Variants in DPRX observed in about 807,000 individuals in gnomAD.
DPRX encodes divergent paired-related homeobox.
In DPRX, 11 loss-of-function variants were observed where a neutral mutation model predicts 8.4. That is an observed-to-expected ratio of 1.31 (90% CI 0.82 to 2.17). The LOEUF is 2.17. DPRX is among the 30% of genes most tolerant of loss of function. DPRX has a pLI of 0.00. For missense variants in DPRX, 211 were observed against 236.7 expected (o/e 0.89, Z 0.71); for synonymous variants, 72 against 87.0 (o/e 0.83, Z 0.96).
the DPRX span, chr19:53,603,388 A>G: frequency 2.2e-6 from 1 of 456,272 alleles, no homozygotes. Flanking sequence ...ATGCGGCCCC[A>G]TCTCGGGGTG....
At chr19:53,634,804 T>C in intron 2 of DPRX, 119 bp downstream of exon 2, 1 of 1,359,870 alleles carries the variant, frequency 7.4e-7, no homozygotes, top group Non-Finnish European at 9.8e-7. Flanking sequence ...AAACCCACAC[T>C]CTCCTACTCA....
the DPRX span, among the ~76,000 whole-genome samples, chr19:53,601,736 C>T: frequency 6.6e-6 from 1 of 152,098 alleles, no homozygotes; most frequent in African/African-American, 2.4e-5. Flanking sequence ...CCCGCCTTGG[C>T]CTCCCAAAGT....
the DPRX span, among the ~76,000 whole-genome samples, chr19:53,623,563 G>A: frequency 1.3e-5 from 2 of 151,460 alleles, no homozygotes; most frequent in African/African-American, 2.4e-5. Context: ...GCTTGAATCC[G>A]GGAGGCAGAG....
the DPRX span, among the ~76,000 whole-genome samples, chr19:53,605,399 C>T: frequency 4.9e-5 from 7 of 143,498 alleles, no homozygotes; most frequent in South Asian, 4.3e-4. Context: ...TTTTTTGAGA[C>T]GGAGTCTCGC....
At chr19:53,622,289 G>A in the DPRX span, among the ~76,000 whole-genome samples, 1 of 152,062 alleles carries the variant, frequency 6.6e-6, no homozygotes, top group Non-Finnish European at 1.5e-5. Context: ...GAATTTAGGG[G>A]TTTATGGGCA....
At chr19:53,618,999 G>T in the DPRX span, among the ~76,000 whole-genome samples, 62 of 152,062 alleles carry the variant, frequency 4.1e-4, no homozygotes, top group African/African-American at 1.4e-3. Context: ...TTTTATCCTT[G>T]TAACAGATTA....
At chr19:53,629,546 A>ATT (rs143537065), upstream of DPRX, among the ~76,000 whole-genome samples, 59 of 143,032 alleles carry the variant, frequency 4.1e-4, no homozygotes, top group South Asian at 9.0e-4. Flanking sequence ...CCGGCCTATG[A>ATT]TTTTTTTTTT....
the DPRX span, among the ~76,000 whole-genome samples, chr19:53,623,318 T>TAAATAAAC: frequency 7.7e-6 from 1 of 130,600 alleles, no homozygotes; most frequent in African/African-American, 3.1e-5. Flanking sequence ...AAAAAATAAA[T>TAAATAAAC]AAATAAATAA....
chr19:53,612,524 T>A, the DPRX span, among the ~76,000 whole-genome samples: 1 of 151,988 alleles, frequency 6.6e-6, no homozygotes, highest in African/African-American at 2.4e-5. Flanking sequence ...CTGGCCAACA[T>A]GGTGAAACCT....
the DPRX span, among the ~76,000 whole-genome samples, chr19:53,613,731 C>T: frequency 2.0e-5 from 3 of 151,808 alleles, no homozygotes; most frequent in Admixed American, 6.6e-5. Context: ...CCAAACGATG[C>T]GTTTGGAATC....
At chr19:53,624,997 A>G in the DPRX span, among the ~76,000 whole-genome samples, 2 of 151,616 alleles carry the variant, frequency 1.3e-5, no homozygotes, top group African/African-American at 4.8e-5. Flanking sequence ...AATGTAATCA[A>G]CTTACCACTA....
At chr19:53,613,438 C>T in the DPRX span, among the ~76,000 whole-genome samples, 1 of 152,102 alleles carries the variant, frequency 6.6e-6, no homozygotes, top group South Asian at 2.1e-4. Context: ...ACCTTCACCT[C>T]CCAGGTTCTA....
the DPRX span, among the ~76,000 whole-genome samples, chr19:53,616,493 G>T: frequency 4.6e-5 from 7 of 151,358 alleles, no homozygotes; most frequent in African/African-American, 1.7e-4. Context: ...GGTGGCTCAC[G>T]CCTGTAATCC....
chr19:53,633,818 G>A (rs1219617697), intron 1 of DPRX, among the ~76,000 whole-genome samples: 1 of 151,354 alleles, frequency 6.6e-6, no homozygotes, highest in African/African-American at 2.4e-5. Flanking sequence ...AAATTTTTGT[G>A]TTTTTAATAG....
the DPRX span, among the ~76,000 whole-genome samples, chr19:53,605,333 C>A: frequency 6.6e-5 from 10 of 152,050 alleles, no homozygotes; most frequent in African/African-American, 2.2e-4. Context: ...CCACCTCAGC[C>A]TCCCGAGTAG....
the DPRX span, among the ~76,000 whole-genome samples, chr19:53,621,164 A>G: frequency 6.6e-6 from 1 of 151,914 alleles, no homozygotes; most frequent in Non-Finnish European, 1.5e-5. Context: ...ACAAGGTCTC[A>G]CTGTGTCACC....
chr19:53,628,265 T>C (rs4803156), upstream of DPRX, among the ~76,000 whole-genome samples: 135,576 of 152,152 alleles, frequency 0.89, 60,534 homozygotes, highest in African/African-American at 0.91. Context: ...CAGTGAGACC[T>C]TGTCTCTGAA....
At chr19:53,609,353 A>C in the DPRX span, among the ~76,000 whole-genome samples, 2 of 151,186 alleles carry the variant, frequency 1.3e-5, no homozygotes, top group Non-Finnish European at 2.9e-5. Flanking sequence ...CTATAATCGG[A>C]GCTACCCAGG....
At chr19:53,626,944 T>C in the DPRX span, among the ~76,000 whole-genome samples, 6 of 152,166 alleles carry the variant, frequency 3.9e-5, no homozygotes, top group South Asian at 1.2e-3. Context: ...TCAGGTGATC[T>C]GCCTGCCTCG....
Sources: gnomAD v4.1 joint callset for allele counts (sites outside exome capture counted in the v4.1 genomes callset) on GRCh38, gnomAD v4.1.1 for gene constraint, MANE v1.5 for transcripts, NCBI Gene and HGNC (gene_info 2026-07-23, HGNC 2026-07-21) for gene names.